Variants in NAALADL2 observed in about 807,000 individuals in gnomAD.
The protein encoded by NAALADL2 is inactive N-acetylated-alpha-linked acidic dipeptidase-like protein 2.
NAALADL2 carries 76 observed loss-of-function variants against 87.2 expected under a neutral mutation model. The ratio of observed to expected loss-of-function variants is 0.87; its 90% CI spans 0.72 to 1.05. The LOEUF (loss-of-function observed/expected upper bound fraction) is 1.05, where lower values mean the gene tolerates loss of function less well. NAALADL2 is among the 50% of genes least tolerant of loss of function. The probability of loss-of-function intolerance (pLI) is 0.00; values close to 1 mark genes in which losing one functional copy is unlikely to be tolerated. For missense variants in NAALADL2, 1,089 were observed against 945.8 expected, an observed-to-expected ratio of 1.15 and a Z score of -1.99; for synonymous variants, 354 against 331.0, an observed-to-expected ratio of 1.07 and a Z score of -0.75.
chr3:175,241,762 A>C (rs1330966365), intron 3 of NAALADL2, among the ~76,000 whole-genome samples: 1 of 151,708 alleles, frequency 6.6e-6, no homozygotes, highest in Admixed American at 6.6e-5. Flanking sequence ...GCTAAATTCA[A>C]CTAGGTGGTT....
At chr3:174,575,219 T>A (rs1325033208) in intron 2 of NAALADL2, among the ~76,000 whole-genome samples, 2 of 152,248 alleles carry the variant, frequency 1.3e-5, no homozygotes, top group East Asian at 3.9e-4. Flanking sequence ...TAAATGAGAA[T>A]CAAGTAGTAT....
intron 1 of NAALADL2, among the ~76,000 whole-genome samples, chr3:174,898,395 A>G (rs1019373172): frequency 6.6e-6 from 1 of 151,504 alleles, no homozygotes; most frequent in Non-Finnish European, 1.5e-5. Context: ...GTAATAATAA[A>G]TAAATTAATA....
intron 2 of NAALADL2, among the ~76,000 whole-genome samples, chr3:174,659,032 A>G (rs1725251597): frequency 6.6e-6 from 1 of 152,088 alleles, no homozygotes; most frequent in South Asian, 2.1e-4. Flanking sequence ...GTATACAGTT[A>G]TTTGTGTAGC....
At chr3:174,811,939 C>G (rs999308816) in intron 3 of NAALADL2, among the ~76,000 whole-genome samples, 1 of 152,044 alleles carries the variant, frequency 6.6e-6, no homozygotes, top group Non-Finnish European at 1.5e-5. Flanking sequence ...ATGAAATCTG[C>G]CTTTTTTAAG....
intron 2 of NAALADL2, among the ~76,000 whole-genome samples, chr3:174,679,436 T>A (rs1335822774): frequency 6.6e-6 from 1 of 152,222 alleles, no homozygotes; most frequent in Non-Finnish European, 1.5e-5. Context: ...ATGTACAATT[T>A]CTGTAAACAT....
intron 2 of NAALADL2, among the ~76,000 whole-genome samples, chr3:174,562,596 CT>C (rs1490197218): frequency 3.9e-5 from 6 of 152,012 alleles, no homozygotes; most frequent in South Asian, 2.1e-4. Context: ...TATTAGCATT[CT>C]TTTTGCATAG....
chr3:174,808,349 G>A (rs1224094508), intron 3 of NAALADL2, among the ~76,000 whole-genome samples: 1 of 152,042 alleles, frequency 6.6e-6, no homozygotes, highest in Non-Finnish European at 1.5e-5. Flanking sequence ...TCCACTAGTG[G>A]GTTATGCCCA....
chr3:174,945,796 C>T (rs1739318302), intron 1 of NAALADL2, among the ~76,000 whole-genome samples: 1 of 152,012 alleles, frequency 6.6e-6, no homozygotes, highest in Non-Finnish European at 1.5e-5. Flanking sequence ...GCCTGTAATC[C>T]CAGCACTCTG....
At chr3:174,518,857 G>A (rs1034229107) in intron 1 of NAALADL2, among the ~76,000 whole-genome samples, 2 of 152,098 alleles carry the variant, frequency 1.3e-5, no homozygotes, top group African/African-American at 4.8e-5. Flanking sequence ...CCATAAGCCT[G>A]GTCAACCTTT....
At chr3:175,701,468 G>A (rs1738987688) in intron 11 of NAALADL2, among the ~76,000 whole-genome samples, 1 of 152,246 alleles carries the variant, frequency 6.6e-6, no homozygotes, top group Middle Eastern at 3.4e-3. Context: ...CAGGTCTCTG[G>A]TATGCCTATG....
chr3:175,195,464 A>G (rs1297464308), intron 2 of NAALADL2, among the ~76,000 whole-genome samples: 1 of 151,856 alleles, frequency 6.6e-6, no homozygotes, highest in Non-Finnish European at 1.5e-5. Flanking sequence ...ATATAGGATG[A>G]TATGTAAAGG....
At chr3:174,843,651 CA>C (rs2109433289) in intron 3 of NAALADL2, among the ~76,000 whole-genome samples, 1 of 152,180 alleles carries the variant, frequency 6.6e-6, no homozygotes, top group Admixed American at 6.5e-5. Context: ...TCTGTAATCC[CA>C]ACAACAATGT....
At chr3:174,691,805 C>G (rs1314902395) in intron 2 of NAALADL2, among the ~76,000 whole-genome samples, 1 of 152,214 alleles carries the variant, frequency 6.6e-6, no homozygotes, top group African/African-American at 2.4e-5. Flanking sequence ...CTGTTCGTGA[C>G]ATCTTCAGAA....
intron 1 of NAALADL2, among the ~76,000 whole-genome samples, chr3:174,977,262 G>A (rs1158528763): frequency 6.6e-6 from 1 of 152,028 alleles, no homozygotes; most frequent in South Asian, 2.1e-4. Context: ...GAGAGATGCT[G>A]GTTAGGCACC....
intron 10 of NAALADL2, among the ~76,000 whole-genome samples, chr3:175,620,904 T>C (rs553305131): frequency 1.3e-5 from 2 of 152,078 alleles, no homozygotes; most frequent in Non-Finnish European, 2.9e-5. Flanking sequence ...AAAGGCGACC[T>C]GAAGTGGGTA....
intron 3 of NAALADL2, among the ~76,000 whole-genome samples, chr3:174,777,650 G>C (rs550344843): frequency 2.6e-5 from 4 of 152,022 alleles, no homozygotes; most frequent in Non-Finnish European, 5.9e-5. Flanking sequence ...CACTAACATG[G>C]CTGTTAAATT....
chr3:175,254,427 C>T (rs923808253), intron 3 of NAALADL2, among the ~76,000 whole-genome samples: 3 of 152,086 alleles, frequency 2.0e-5, no homozygotes, highest in Non-Finnish European at 1.5e-5. Context: ...ATGGGAAAAA[C>T]CCAAAATCTG....
chr3:175,372,473 T>C (rs1340577030), intron 5 of NAALADL2, among the ~76,000 whole-genome samples: 3 of 152,232 alleles, frequency 2.0e-5, no homozygotes, highest in Admixed American at 1.3e-4. Context: ...ATTCAGTGTC[T>C]TGAAGATATT....
chr3:175,043,524 A>G (rs1754328245), intron 1 of NAALADL2, among the ~76,000 whole-genome samples: 1 of 152,170 alleles, frequency 6.6e-6, no homozygotes, highest in African/African-American at 2.4e-5. Context: ...GGTGTGAGCC[A>G]TAGCACCTGG....
Sources: allele counts gnomAD v4.1 joint callset (sites outside exome capture counted in the v4.1 genomes callset), GRCh38; gene constraint gnomAD v4.1.1; transcripts MANE v1.5; gene names NCBI Gene and HGNC (gene_info 2026-07-23, HGNC 2026-07-21).